DNAH2: variants seen among roughly 807,000 people sequenced by gnomAD.
DNAH2 encodes the protein axonemal beta dynein heavy chain 2.
In DNAH2, 323 loss-of-function variants were observed where a neutral mutation model predicts 523.5. That is an observed-to-expected ratio of 0.62 (90% confidence interval 0.56 to 0.68). The LOEUF is 0.68. Among genes scored for constraint, DNAH2 ranks in the 30% least tolerant of loss-of-function variants. The pLI is 0.00. For missense variants in DNAH2, 4,907 were observed against 5,701.5 expected (o/e 0.86, Z 4.49); for synonymous variants, 2,093 against 2,177.4 (o/e 0.96, Z 1.08).
intron 4 of DNAH2, 95 bp downstream of exon 4, chr17:7,727,387 C>G (rs2074850189): frequency 6.8e-7 from 1 of 1,479,182 alleles, no homozygotes. Context: ...ATCTCCTGTG[C>G]CCACGGCCTA....
chr17:7,725,440 A>ATATATATATATATATATATTTTTTTTTTT (rs958458949), intron 3 of DNAH2, among the ~76,000 whole-genome samples: 1 of 130,506 alleles, frequency 7.7e-6, no homozygotes, highest in Admixed American at 8.0e-5. Flanking sequence ...ATATATATAT[A>ATATATATATATATATATATTTTTTTTTTT]TTTTCTTTTT....
At chr17:7,818,226 G>C in intron 68 of DNAH2, 86 bp from the exon 69 acceptor site, 4 of 1,596,742 alleles carry the variant, frequency 2.5e-6, no homozygotes, top group Non-Finnish European at 2.6e-6. Context: ...GACAGGCTGA[G>C]TCGCTGCCCC....
chr17:7,818,286 T>C, intron 68 of DNAH2, 26 bp from the exon 69 acceptor site: 1 of 1,612,812 alleles, frequency 6.2e-7, no homozygotes, highest in Non-Finnish European at 8.5e-7. Flanking sequence ...ATGGAGTCCT[T>C]GCCCCTGACC....
chr17:7,757,224 A>G lies in DNAH2; in HGVS notation c.2038A>G (p.Arg680Gly), dbSNP rs761111581. 1.2e-6 allele frequency: 2 copies of G among 1,614,160 alleles called. No homozygotes were observed. The highest frequency in any genetic ancestry group is 1.3e-5 in the African/African-American group (1 of 75,050). The change falls in exon 13 of 86, where the codon AGA becomes GGA. Residue 680 changes from arginine to glycine, a missense_variant. This residue lies in a region of DNAH2 where 2,806 missense variants were observed against 3,190.8 expected (regional missense o/e 0.88). Transcript: ENST00000572933. Reference protein sequence around the residue: ...ILRENLLLVARDYNRIIAMLS... With the variant: ...ILRENLLLVAGDYNRIIAMLS... ...GCGTGAAAATCTGCTACTCGTTGCTAGAGACTACAATAGGTAGGGCTTCAG... is the reference window on the plus strand; with the variant it reads ...GCGTGAAAATCTGCTACTCGTTGCTGGAGACTACAATAGGTAGGGCTTCAG...
chr17:7,742,872 G>A, intron 11 of DNAH2, 56 bp from the exon 12 acceptor site: 2 of 1,270,460 alleles, frequency 1.6e-6, no homozygotes, highest in Non-Finnish European at 2.0e-6. Flanking sequence ...GGGAGATGGT[G>A]GCCCCTGGAG....
At chr17:7,755,448 A>G (rs2075810026) in intron 12 of DNAH2, among the ~76,000 whole-genome samples, 1 of 152,172 alleles carries the variant, frequency 6.6e-6, no homozygotes, top group Non-Finnish European at 1.5e-5. Flanking sequence ...CTAAAGAATG[A>G]GACAAAGTGA....
At chr17:7,799,940 G>A (rs1439918027) in intron 56 of DNAH2, among the ~76,000 whole-genome samples, 3 of 152,270 alleles carry the variant, frequency 2.0e-5, no homozygotes, top group East Asian at 3.9e-4. Context: ...TCATGCTCCC[G>A]AGGCCGTACT....
chr17:7,781,036 A>G lies in DNAH2; in HGVS notation c.6004-6A>G. 6.2e-7 allele frequency: 1 copy of G among 1,613,930 alleles called. No individual in the cohort carries two copies. Among genetic ancestry groups the G allele is most frequent in the Non-Finnish European group, 8.5e-7 (1 of 1,180,042 alleles). Reference sequence around the variant, plus strand: ...CAAGCCTGAGTCTCTGTCTTTTCCCATTCAGGTTCTGCTGCTCTCAATGAG... The same window carrying G: ...CAAGCCTGAGTCTCTGTCTTTTCCCGTTCAGGTTCTGCTGCTCTCAATGAG... On this transcript the variant is annotated splice_region_variant and splice_polypyrimidine_tract_variant and intron_variant, in intron 38 of 85. Transcript: ENST00000572933.
At position 7,795,420 on chromosome 17, in the gene DNAH2, C is replaced by A. The variant is rs868601676; in HGVS notation, c.7675-1044C>A. Among the ~76,000 whole-genome samples the A allele has an allele frequency of 1.5e-4, 23 of 151,956 alleles. No individual in the cohort carries two copies. In the Middle Eastern group the frequency reaches 0.01, roughly 67 times the overall value. On this transcript the variant is annotated intron_variant, in intron 49 of 85. Transcript: ENST00000572933. ...AGGCACGGTGGCTCCCAGCTGTAAT[C>A]CCAGTACCTTAGTAGGCTGAGGCAG...
At chr17:7,806,731 C>A (rs2077378045) in intron 61 of DNAH2, among the ~76,000 whole-genome samples, 1 of 151,792 alleles carries the variant, frequency 6.6e-6, no homozygotes, top group African/African-American at 2.4e-5. Flanking sequence ...CCCTCAGGCC[C>A]CCAGAGGGGA....
intron 53 of DNAH2, 129 bp downstream of exon 53, chr17:7,797,958 G>A (rs920984003): frequency 2.1e-6 from 3 of 1,409,688 alleles, no homozygotes; most frequent in African/African-American, 1.4e-5. Flanking sequence ...GGCCCCAGAT[G>A]CCCTGTGGCA....
chr17:7,810,776 C>T (rs1243945332), intron 63 of DNAH2, among the ~76,000 whole-genome samples: 1 of 152,156 alleles, frequency 6.6e-6, no homozygotes, highest in Non-Finnish European at 1.5e-5. Context: ...CTGGCAGAGC[C>T]TAAGAATCAG....
At chr17:7,788,321 G>T (rs965401708) in intron 44 of DNAH2, 77 bp downstream of exon 44, 3 of 1,466,234 alleles carry the variant, frequency 2.0e-6, no homozygotes, top group Non-Finnish European at 2.7e-6. Context: ...GGGAAACGGC[G>T]TGTCTGAGAC....
chr17:7,792,317 C>T lies in DNAH2; in HGVS notation c.7119C>T (p.Leu2373=), dbSNP rs372222391. 1.9e-6 allele frequency: 3 copies of T among 1,613,982 alleles called. No homozygotes were observed. Among genetic ancestry groups the T allele is most frequent in the South Asian group, 2.2e-5 (2 of 91,068 alleles). ...IRSWTSFEDK[L]PKSWRYPPNA... ...GTTGGACATCATTTGAGGACAAGCT[C>T]CCTAAGAGTTGGCGCTACCCTCCAA... Residue 2373 remains leucine, a synonymous_variant, in exon 46 of 86, where the codon CTC becomes CTT. Transcript: ENST00000572933.
chr17:7,728,141 A>T (rs753942797), intron 4 of DNAH2, among the ~76,000 whole-genome samples: 35 of 152,146 alleles, frequency 2.3e-4, no homozygotes, highest in Non-Finnish European at 4.8e-4. Context: ...TAGATAGATA[A>T]CTATTTCAAC....
chr17:7,778,006 C>T lies in DNAH2; in HGVS notation c.5248-71C>T. The T allele has an allele frequency of 2.9e-6, 4 of 1,388,102 alleles. No homozygotes were observed. The South Asian group carries it at 3.6e-5, about 12-fold the overall frequency. 86.0% of individuals were successfully genotyped at this position (1,388,102 alleles called of 1,614,324 possible). ...CTCCCTGACAACTCTGAGCCCCACT[C>T]TCAGTCATTGTCCCAGCTCTAACTC... is the stretch of plus-strand genomic sequence containing the variant. On this transcript the variant is annotated intron_variant, in intron 33 of 85. Transcript: ENST00000572933.
chr17:7,833,038 G>T, intron 84 of DNAH2, 33 bp from the exon 85 acceptor site: 2 of 1,613,016 alleles, frequency 1.2e-6, no homozygotes, highest in Non-Finnish European at 1.7e-6. Context: ...TTGAAGTCTA[G>T]CTTCTCCCAG....
rs1436964689 is a variant in DNAH2 at position 7,740,820 on chromosome 17, G to C, written c.1517G>C (p.Arg506Pro). The change falls in exon 11 of 86, where the codon CGG becomes CCG. Residue 506 changes from arginine to proline, a missense_variant. Arg to Pro is a moderately radical substitution (Grantham distance 103, BLOSUM62 -2). Coordinates refer to ENST00000572933, the MANE Select transcript of DNAH2 (RefSeq NM_020877.5). ...CCTCTTCTTCCCTAGGCTATCAAGC[G>C]GACTTATGACAAGAAGGCGGTGGAT... ...HRLASREAIKRTYDKKAVDLY... is the reference protein window; with the variant it reads ...HRLASREAIKPTYDKKAVDLY... 1.2e-6 allele frequency: 2 copies of C among 1,606,888 alleles called. No homozygotes were observed. The highest frequency in any genetic ancestry group is 1.1e-5 in the South Asian group (1 of 90,928).
intron 4 of DNAH2, 62 bp downstream of exon 4, chr17:7,727,354 C>A: frequency 6.4e-7 from 1 of 1,554,020 alleles, no homozygotes; most frequent in Non-Finnish European, 8.7e-7. Flanking sequence ...CTCTCAGTTC[C>A]TTCATCATCC....
Sources: gnomAD v4.1 joint callset for allele counts (sites outside exome capture counted in the v4.1 genomes callset) on GRCh38, gnomAD v4.1.1 for gene constraint, gnomAD v4.1.1 regional missense constraint, MANE v1.5 for transcripts, NCBI Gene and HGNC (gene_info 2026-07-23, HGNC 2026-07-21) for gene names.